Variants in NRCAM observed in about 807,000 individuals in gnomAD.
The protein encoded by NRCAM is NgCAM-related cell adhesion molecule.
In NRCAM, 83 loss-of-function variants were observed where a neutral mutation model predicts 156.5. The ratio of observed to expected loss-of-function variants is 0.53; its 90% CI spans 0.44 to 0.64. NRCAM has a LOEUF of 0.64. Among genes scored for constraint, NRCAM ranks in the 30% least tolerant of loss-of-function variants. The pLI, the probability that NRCAM is intolerant of heterozygous loss-of-function variation, is 0.00. For synonymous variants in NRCAM, 538 were observed against 563.9 expected (o/e 0.95, Z 0.65); for missense variants, 1,417 against 1,597.3 (o/e 0.89, Z 1.92).
chr7:108,363,162 C>T (rs890115828), intron 2 of NRCAM, among the ~76,000 whole-genome samples: 1 of 152,046 alleles, frequency 6.6e-6, no homozygotes, highest in Non-Finnish European at 1.5e-5. Context: ...TCCATGAGTA[C>T]AAACTGATAT....
chr7:108,348,621 A>G (rs909890351), intron 2 of NRCAM, among the ~76,000 whole-genome samples: 1 of 152,094 alleles, frequency 6.6e-6, no homozygotes, highest in Non-Finnish European at 1.5e-5. Context: ...TTTGCAGAAA[A>G]TAAGAATTGG....
chr7:108,166,652 C>T (rs527798219), intron 30 of NRCAM, among the ~76,000 whole-genome samples: 1 of 152,286 alleles, frequency 6.6e-6, no homozygotes, highest in African/African-American at 2.4e-5. Context: ...CAATTGAATT[C>T]TTTAAATAAT....
intron 3 of NRCAM, among the ~76,000 whole-genome samples, chr7:108,277,704 T>G (rs1034606631): frequency 6.6e-6 from 1 of 152,084 alleles, no homozygotes; most frequent in Non-Finnish European, 1.5e-5. Context: ...CTCGGAGAAG[T>G]GTGTTACTAC....
intron 1 of NRCAM, among the ~76,000 whole-genome samples, chr7:108,402,751 T>C (rs961843433): frequency 6.6e-6 from 1 of 152,116 alleles, no homozygotes; most frequent in African/African-American, 2.4e-5. Flanking sequence ...TAAGCTATTG[T>C]TTTGGTAGAG....
chr7:108,226,533 A>G (rs913305643), intron 8 of NRCAM, among the ~76,000 whole-genome samples, 155 bp from the exon 9 acceptor site: 7 of 57,038 alleles, frequency 1.2e-4, no homozygotes, highest in African/African-American at 9.5e-4. Context: ...ATAACTGTAA[A>G]AAAAAAAAAA....
intron 2 of NRCAM, among the ~76,000 whole-genome samples, chr7:108,336,818 ATAAC>A (rs891328547): frequency 2.6e-5 from 4 of 152,216 alleles, no homozygotes; most frequent in Admixed American, 6.5e-5. Flanking sequence ...TTACAAGTAA[ATAAC>A]TACAGTTAAA....
chr7:108,286,914 A>G (rs1396695463), intron 3 of NRCAM, among the ~76,000 whole-genome samples: 2 of 152,182 alleles, frequency 1.3e-5, no homozygotes, highest in Non-Finnish European at 2.9e-5. Flanking sequence ...GGTAATTTTT[A>G]TAAGGCACGT....
intron 1 of NRCAM, among the ~76,000 whole-genome samples, chr7:108,439,225 G>C: frequency 6.6e-6 from 1 of 151,892 alleles, no homozygotes; most frequent in Middle Eastern, 3.4e-3. Flanking sequence ...AGCAACAAAA[G>C]AAAAAACAAC....
At chr7:108,257,102 G>GGAAAAGAAAA (rs369855344) in intron 3 of NRCAM, among the ~76,000 whole-genome samples, 2 of 149,442 alleles carry the variant, frequency 1.3e-5, no homozygotes, top group African/African-American at 5.0e-5. Context: ...AAGGAAGGAA[G>GGAAAAGAAAA]GAAAAGAAAA....
intron 8 of NRCAM, among the ~76,000 whole-genome samples, chr7:108,229,945 C>T (rs929694944): frequency 2.0e-4 from 31 of 152,112 alleles, no homozygotes; most frequent in Admixed American, 1.5e-3. Flanking sequence ...TCAGTTTCCT[C>T]ATCTGGAAAG....
intron 26 of NRCAM, 199 bp from the exon 27 acceptor site, chr7:108,176,805 T>C: frequency 2.0e-6 from 1 of 503,466 alleles, no homozygotes; most frequent in Admixed American, 3.7e-5. Flanking sequence ...TATCATATCA[T>C]ATCATATCAT....
At chr7:108,239,549 G>T (rs577132814) in intron 4 of NRCAM, among the ~76,000 whole-genome samples, 1 of 152,252 alleles carries the variant, frequency 6.6e-6, no homozygotes, top group African/African-American at 2.4e-5. Flanking sequence ...CATATGACGG[G>T]AAAGAGTAAA....
chr7:108,170,345 T>C (rs1372352465), intron 28 of NRCAM, among the ~76,000 whole-genome samples: 3 of 151,978 alleles, frequency 2.0e-5, no homozygotes, highest in Non-Finnish European at 4.4e-5. Context: ...GAAAGGAAAA[T>C]AAATCTTTGG....
chr7:108,398,021 T>C (rs2099781840), intron 2 of NRCAM, among the ~76,000 whole-genome samples: 1 of 152,218 alleles, frequency 6.6e-6, no homozygotes, highest in African/African-American at 2.4e-5. Flanking sequence ...AAGGCTTAAA[T>C]ACAAAATCAA....
chr7:108,302,635 C>A (rs1268216162), intron 3 of NRCAM, among the ~76,000 whole-genome samples: 3 of 152,172 alleles, frequency 2.0e-5, no homozygotes, highest in African/African-American at 7.2e-5. Flanking sequence ...TGCTTGACTC[C>A]CAGCATCTCT....
chr7:108,392,041 A>C (rs989481874), intron 2 of NRCAM, among the ~76,000 whole-genome samples: 3 of 152,068 alleles, frequency 2.0e-5, no homozygotes, highest in Non-Finnish European at 4.4e-5. Flanking sequence ...TGAATCTGAC[A>C]ATTATGTGTC....
intron 11 of NRCAM, among the ~76,000 whole-genome samples, chr7:108,217,616 C>A (rs1392073906): frequency 1.3e-5 from 2 of 152,164 alleles, no homozygotes; most frequent in Non-Finnish European, 2.9e-5. Context: ...TGATGCCCTG[C>A]CCAGAGAGGA....
At chr7:108,174,257 C>G (rs1401676902) in intron 28 of NRCAM, among the ~76,000 whole-genome samples, 1 of 152,168 alleles carries the variant, frequency 6.6e-6, no homozygotes, top group Non-Finnish European at 1.5e-5. Context: ...AGTCCTTATT[C>G]AATAACTCCA....
At chr7:108,156,888 C>T (rs1168724249) in intron 32 of NRCAM, among the ~76,000 whole-genome samples, 1 of 152,088 alleles carries the variant, frequency 6.6e-6, no homozygotes, top group Non-Finnish European at 1.5e-5. Context: ...ACAGTTGGAA[C>T]TGTTTTCATT....
Sources: gnomAD v4.1 joint callset for allele counts (sites outside exome capture counted in the v4.1 genomes callset) on GRCh38, gnomAD v4.1.1 for gene constraint, MANE v1.5 for transcripts, NCBI Gene and HGNC (gene_info 2026-07-23, HGNC 2026-07-21) for gene names.